The following CCBE1 variants were observed in gnomAD, a reference collection of about 807,000 sequenced individuals.
CCBE1 encodes the protein collagen and calcium binding EGF domains 1, also known as collagen and calcium-binding EGF domain-containing protein 1.
CCBE1 carries 37 observed loss-of-function variants against 50.0 expected under a neutral mutation model. The ratio of observed to expected loss-of-function variants is 0.74; its 90% CI spans 0.57 to 0.97. CCBE1 has a LOEUF of 0.97. Ranked by LOEUF, CCBE1 falls within the 50% of genes least tolerant of loss-of-function variation. CCBE1 has a pLI of 0.00. For missense variants in CCBE1, 538 were observed against 523.8 expected (o/e 1.03, Z -0.26); for synonymous variants, 234 against 203.7 (o/e 1.15, Z -1.27).
intron 2 of CCBE1, among the ~76,000 whole-genome samples, chr18:59,529,676 C>T (rs1914972578): frequency 6.6e-6 from 1 of 152,062 alleles, no homozygotes; most frequent in Admixed American, 6.6e-5. Context: ...ATGGGTCACA[C>T]CAACCACCTA....
intron 2 of CCBE1, among the ~76,000 whole-genome samples, chr18:59,538,143 A>C (rs1471783052): frequency 2.0e-5 from 3 of 152,250 alleles, no homozygotes; most frequent in Non-Finnish European, 4.4e-5. Context: ...GTCAAGAACA[A>C]CATGAGTATA....
At chr18:59,638,678 A>C (rs2144640611) in intron 2 of CCBE1, among the ~76,000 whole-genome samples, 1 of 152,344 alleles carries the variant, frequency 6.6e-6, no homozygotes, top group African/African-American at 2.4e-5. Context: ...AACCCAAAAC[A>C]ATCCACAAGT....
intron 2 of CCBE1, among the ~76,000 whole-genome samples, chr18:59,541,021 C>T (rs1041633238): frequency 6.6e-6 from 1 of 152,184 alleles, no homozygotes; most frequent in Non-Finnish European, 1.5e-5. Context: ...TTCATTCCTT[C>T]TCACGTGGGA....
At chr18:59,481,084 A>G (rs974013882) in intron 2 of CCBE1, among the ~76,000 whole-genome samples, 2 of 152,250 alleles carry the variant, frequency 1.3e-5, no homozygotes, top group Non-Finnish European at 2.9e-5. Context: ...GTTCAACTAC[A>G]TAAAGGAAAA....
rs1893788 is a variant in CCBE1, at chr18:59,447,971, T to C, written c.775+12A>G. On this transcript the variant is annotated intron_variant, in intron 7 of 10. Transcript: ENST00000439986. ...TTGGTGATCACCCTCCTGTGCCCTC[T>C]TCCACACTCACCGGGAGGGCCCTGG... The C allele has an allele frequency of 0.56, 896,605 of 1,613,712 alleles. 252,127 individuals carry two copies. The highest frequency in any genetic ancestry group is 0.72 in the African/African-American group (54,050 of 74,984).
At chr18:59,503,076 C>T (rs566728235) in intron 2 of CCBE1, among the ~76,000 whole-genome samples, 113 of 152,316 alleles carry the variant, frequency 7.4e-4, no homozygotes, top group African/African-American at 2.7e-3. Flanking sequence ...GGGGGTGGGC[C>T]TGTGCCTGTT....
chr18:59,574,874 A>G (rs2052969980), intron 2 of CCBE1, among the ~76,000 whole-genome samples: 1 of 152,078 alleles, frequency 6.6e-6, no homozygotes, highest in South Asian at 2.1e-4. Flanking sequence ...GGAAGTCCTA[A>G]CCCCCAGGAC....
At chr18:59,599,459 G>A (rs1044990583) in intron 2 of CCBE1, among the ~76,000 whole-genome samples, 23 of 152,118 alleles carry the variant, frequency 1.5e-4, no homozygotes, top group Non-Finnish European at 2.4e-4. Flanking sequence ...AGACTAAAAT[G>A]GAAACAGCAA....
chr18:59,683,437 T>C (rs1054966974), intron 2 of CCBE1, among the ~76,000 whole-genome samples: 36 of 152,206 alleles, frequency 2.4e-4, no homozygotes, highest in African/African-American at 8.7e-4. Flanking sequence ...GGCTCACGCC[T>C]GTAATCCCAG....
At chr18:59,619,286 G>A (rs184802743) in intron 2 of CCBE1, among the ~76,000 whole-genome samples, 1 of 152,268 alleles carries the variant, frequency 6.6e-6, no homozygotes, top group African/African-American at 2.4e-5. Context: ...CAAATTGAAA[G>A]CCAGGTGTAT....
intron 3 of CCBE1, among the ~76,000 whole-genome samples, chr18:59,473,490 A>G (rs1912135397): frequency 6.6e-6 from 1 of 152,168 alleles, no homozygotes; most frequent in Non-Finnish European, 1.5e-5. Flanking sequence ...TTTGAATTAT[A>G]TCTTTAAGAA....
intron 2 of CCBE1, among the ~76,000 whole-genome samples, chr18:59,525,057 A>T (rs992768613): frequency 2.0e-5 from 3 of 152,198 alleles, no homozygotes. Flanking sequence ...GTATCTTTAT[A>T]AGAGAATGAT....
chr18:59,459,612 TAGA>T (rs1477231971), intron 5 of CCBE1, among the ~76,000 whole-genome samples: 1 of 152,218 alleles, frequency 6.6e-6, no homozygotes, highest in Non-Finnish European at 1.5e-5. Context: ...TCCTAAGCAT[TAGA>T]AGTTGTAATG....
intron 2 of CCBE1, among the ~76,000 whole-genome samples, chr18:59,494,189 C>T (rs1380042172): frequency 6.6e-6 from 1 of 152,168 alleles, no homozygotes; most frequent in Non-Finnish European, 1.5e-5. Context: ...TTTCAGGAGC[C>T]AGGGAAATAC....
chr18:59,489,034 T>C (rs887709031), intron 2 of CCBE1, among the ~76,000 whole-genome samples: 2 of 152,240 alleles, frequency 1.3e-5, no homozygotes, highest in Non-Finnish European at 2.9e-5. Flanking sequence ...CTCAACCATA[T>C]GTGTTACCAC....
At chr18:59,650,912 G>C (rs1384726535) in intron 2 of CCBE1, among the ~76,000 whole-genome samples, 1 of 151,908 alleles carries the variant, frequency 6.6e-6, no homozygotes, top group Non-Finnish European at 1.5e-5. Flanking sequence ...CTGTATGCCA[G>C]GGAAAATGGA....
intron 7 of CCBE1, among the ~76,000 whole-genome samples, chr18:59,440,573 T>C (rs1910376706): frequency 6.6e-6 from 1 of 152,100 alleles, no homozygotes; most frequent in Non-Finnish European, 1.5e-5. Context: ...CCACCTACTT[T>C]CAACCTTCTG....
rs1423597357 is a variant in CCBE1, at chr18:59,469,483, T to G, written c.390A>C (p.Pro130=). Residue 130 remains proline (P), a synonymous_variant, in exon 4 of 11, where the codon CCA becomes CCC. Transcript: ENST00000439986. ...ACATTCCCAACACACCCAGACAGTA[T>G]GGCTTCTCCCGCTTCCGGTGTCTCT... ...DRERHRKREK[P]YCLDIDECAS... The G allele has an allele frequency of 6.2e-7, 1 of 1,614,200 alleles. No homozygotes were observed. Among genetic ancestry groups the G allele is most frequent in the South Asian group, 1.1e-5 (1 of 91,078 alleles).
chr18:59,614,072 C>T (rs2564477), intron 2 of CCBE1, among the ~76,000 whole-genome samples: 1 of 151,944 alleles, frequency 6.6e-6, no homozygotes, highest in Admixed American at 6.6e-5. Flanking sequence ...GTAGTGCGAT[C>T]TCGTCTAACT....
Sources: gnomAD v4.1 joint callset for allele counts (sites outside exome capture counted in the v4.1 genomes callset) on GRCh38, gnomAD v4.1.1 for gene constraint, MANE v1.5 for transcripts, NCBI Gene and HGNC (gene_info 2026-07-23, HGNC 2026-07-21) for gene names.